EDARADD: variants seen among roughly 807,000 people sequenced by gnomAD.
EDARADD encodes the protein EDAR associated via death domain.
A neutral mutation model predicts 25.6 loss-of-function variants in EDARADD; 20 were observed. The ratio of observed to expected loss-of-function variants is 0.78; its 90% CI spans 0.55 to 1.14. The LOEUF (loss-of-function observed/expected upper bound fraction) is 1.14. Among genes scored for constraint, EDARADD ranks in the 50% most tolerant of loss-of-function variants. The probability of loss-of-function intolerance (pLI) is 0.00; values close to 1 mark genes in which losing one functional copy is unlikely to be tolerated. For missense variants in EDARADD, 225 were observed against 270.1 expected (o/e 0.83, Z 1.17); for synonymous variants, 86 against 94.4 (o/e 0.91, Z 0.52).
chr1:236,462,098 C>T (rs906883997), intron 4 of EDARADD, among the ~76,000 whole-genome samples: 4 of 152,120 alleles, frequency 2.6e-5, no homozygotes, highest in Non-Finnish European at 5.9e-5. Context: ...GGAAAAAGCA[C>T]CGTGCCAAGA....
chr1:236,380,967 G>T (rs1355597965), intron 3 of EDARADD, among the ~76,000 whole-genome samples: 2 of 152,160 alleles, frequency 1.3e-5, no homozygotes, highest in Admixed American at 1.3e-4. Context: ...AACTTGATCA[G>T]TTTTGACATA....
chr1:236,350,454 TAGTAG>T (rs1182578708), intron 2 of EDARADD, among the ~76,000 whole-genome samples: 2 of 152,206 alleles, frequency 1.3e-5, no homozygotes, highest in Non-Finnish European at 2.9e-5. Context: ...TTTGTATTTT[TAGTAG>T]AGACAGGTTT....
chr1:236,405,839 TTCC>T (rs1412388158), intron 1 of EDARADD, among the ~76,000 whole-genome samples: 8 of 35,198 alleles, frequency 2.3e-4, no homozygotes, highest in Admixed American at 1.1e-3. Context: ...CCTTCCTTCC[TTCC>T]TTCCTTCCTT....
At chr1:236,429,983 A>C (rs767923748) in intron 4 of EDARADD, among the ~76,000 whole-genome samples, 4 of 152,234 alleles carry the variant, frequency 2.6e-5, no homozygotes, top group Non-Finnish European at 4.4e-5. Context: ...AGTTTTGCCT[A>C]GTCTTGCTTT....
chr1:236,391,021 A>G (rs1264458350), upstream of EDARADD, among the ~76,000 whole-genome samples: 2 of 151,884 alleles, frequency 1.3e-5, no homozygotes, highest in Non-Finnish European at 2.9e-5. Context: ...ATCTCAACTC[A>G]CTGCAACCTC....
chr1:236,390,893 C>T (rs192761509), upstream of EDARADD, among the ~76,000 whole-genome samples: 3 of 152,060 alleles, frequency 2.0e-5, no homozygotes, highest in East Asian at 5.8e-4. Context: ...AAATGTTTCA[C>T]TCCTGCTCCT....
intron 4 of EDARADD, among the ~76,000 whole-genome samples, chr1:236,451,578 A>T (rs780482890): frequency 9.2e-4 from 140 of 152,120 alleles, no homozygotes; most frequent in Non-Finnish European, 1.7e-3. Flanking sequence ...GCCCACCACC[A>T]TGTCTGGCTA....
At chr1:236,385,086 A>ATTTTTTTTTTTTTTTT (rs1293083838) in intron 3 of EDARADD, among the ~76,000 whole-genome samples, 1 of 76,544 alleles carries the variant, frequency 1.3e-5, no homozygotes, top group Non-Finnish European at 2.3e-5. Context: ...ATGCCTTTTG[A>ATTTTTTTTTTTTTTTT]TTCTTTTTTT....
At chr1:236,422,653 T>C (rs1412606082) in intron 3 of EDARADD, among the ~76,000 whole-genome samples, 1 of 152,214 alleles carries the variant, frequency 6.6e-6, no homozygotes. Flanking sequence ...CTGTAAAGTC[T>C]ACAAATTCCC....
chr1:236,440,693 T>A (rs1246592388), intron 4 of EDARADD, among the ~76,000 whole-genome samples: 2 of 152,192 alleles, frequency 1.3e-5, no homozygotes, highest in South Asian at 4.1e-4. Context: ...TTGGTAATTC[T>A]CACAATATTT....
At chr1:236,409,755 G>A (rs1186262761) in intron 2 of EDARADD, among the ~76,000 whole-genome samples, 1 of 151,448 alleles carries the variant, frequency 6.6e-6, no homozygotes, top group African/African-American at 2.4e-5. Context: ...GTAGAGTGGG[G>A]GTTTCACCAT....
Position 236,409,258 on chromosome 1 carries a change from CT to C in EDARADD, c.107del (p.Leu36TyrfsTer27). On this transcript the variant is annotated frameshift_variant, in exon 2 of 6. Transcript: ENST00000334232. LOFTEE classifies it high-confidence loss of function. ...KEPVEDTDPS[T>X]LSFNMSDKYP... ...CCAGTGGAAGACACAGACCCTAGCA[CT>C]TTATCCTTTAATATGGTAGGTGACA... 6.2e-7 allele frequency: 1 copy of C among 1,612,844 alleles called. No individual in the cohort carries two copies. The highest frequency in any genetic ancestry group is 8.5e-7 in the Non-Finnish European group (1 of 1,179,086).
intron 4 of EDARADD, among the ~76,000 whole-genome samples, chr1:236,441,482 G>A (rs1658399954): frequency 6.9e-6 from 1 of 145,784 alleles, no homozygotes; most frequent in South Asian, 2.1e-4. Flanking sequence ...TTATAAATAT[G>A]TAAATATATA....
intron 3 of EDARADD, among the ~76,000 whole-genome samples, chr1:236,356,066 G>T (rs1036121284): frequency 2.6e-5 from 4 of 152,192 alleles, no homozygotes; most frequent in African/African-American, 9.6e-5. Flanking sequence ...AGACTCCTGA[G>T]ACTGGATTTC....
Position 236,395,597 on chromosome 1 carries a change from G to A in EDARADD, c.61+1092G>A, listed in dbSNP as rs1448363722. The A allele has an allele frequency of 6.4e-6, 10 of 1,551,566 alleles. No individual in the cohort carries two copies. The highest frequency in any genetic ancestry group is 7.8e-6 in the Non-Finnish European group (9 of 1,150,442). On this transcript the variant is annotated intron_variant, in intron 1 of 5. Transcript: ENST00000334232. This position sits in a 1 kb window ranked among gnomAD's most constrained non-coding sequence, Gnocchi z 6.9. Reference sequence around the variant, plus strand: ...CGCGCCCCGGAGGCCTGCCAGCCCCGCTCGGACGCTCGTTTGCCCCTAACC... The same window carrying A: ...CGCGCCCCGGAGGCCTGCCAGCCCCACTCGGACGCTCGTTTGCCCCTAACC...
chr1:236,378,111 C>G lies in EDARADD; in HGVS notation c.-6+27272C>G, dbSNP rs185880649. On this transcript the variant is annotated intron_variant, in intron 3 of 7. Coordinates refer to the EDARADD transcript ENST00000439430. ...AGTGTTTCTCAGTCCCACCCACCCCCCTTTAGGTGGGATCTGATGGTTAGA... is the reference window on the plus strand; with the variant it reads ...AGTGTTTCTCAGTCCCACCCACCCCGCTTTAGGTGGGATCTGATGGTTAGA... 2.7e-3 allele frequency among the ~76,000 whole-genome samples: 415 copies of G among 152,234 alleles called. 3 individuals are homozygous for G. The highest frequency in any genetic ancestry group is 9.6e-3 in the African/African-American group (400 of 41,528).
At chr1:236,414,051 G>C (rs1400610941) in intron 2 of EDARADD, among the ~76,000 whole-genome samples, 1 of 152,222 alleles carries the variant, frequency 6.6e-6, no homozygotes, top group East Asian at 1.9e-4. Context: ...TCTGTTTCAT[G>C]TTCCAGCATT....
chr1:236,445,284 G>A (rs1009990777), intron 4 of EDARADD, among the ~76,000 whole-genome samples: 4 of 127,372 alleles, frequency 3.1e-5, no homozygotes, highest in African/African-American at 1.1e-4. Flanking sequence ...CTGGAGTGCA[G>A]TGGTGCAATC....
chr1:236,426,340 AAC>A (rs1317837467), intron 3 of EDARADD, among the ~76,000 whole-genome samples: 1 of 152,130 alleles, frequency 6.6e-6, no homozygotes. Flanking sequence ...GGGATGGACA[AAC>A]ACACACATCC....
Sources: allele counts gnomAD v4.1 joint callset (sites outside exome capture counted in the v4.1 genomes callset), GRCh38; gene constraint gnomAD v4.1.1; non-coding constraint Gnocchi (gnomAD v3.1); transcripts MANE v1.5; gene names NCBI Gene and HGNC (gene_info 2026-07-23, HGNC 2026-07-21).